Variants in RAB20 observed in about 807,000 individuals in gnomAD.
The protein encoded by RAB20 is ras-related protein Rab-20.
Under a neutral mutation model 3.7 loss-of-function variants are expected in RAB20, and 2 were observed. The observed-to-expected ratio is 0.54, with a 90% CI of 0.22 to 1.69. RAB20 has a LOEUF of 1.69. RAB20 is among the 40% of genes most tolerant of loss of function. The pLI, the probability that RAB20 is intolerant of heterozygous loss-of-function variation, is 0.19. For missense variants in RAB20, 276 were observed against 311.9 expected (o/e 0.88, Z 0.87); for synonymous variants, 126 against 130.8 (o/e 0.96, Z 0.25).
In RAB20 at chr13:110,524,151, C is replaced by T. The variant is rs778622604; in HGVS notation, c.219G>A (p.Ala73=). The change falls in exon 2 of 2, where the codon GCG becomes GCA. Residue 73 remains alanine (A), a synonymous_variant. Coordinates refer to ENST00000267328, the MANE Select transcript of RAB20 (RefSeq NM_017817.3). ...CATCATAGGTGAGGATGATGGCGGC[C>T]GCCCCCCGGCAGTACATGGAGCCCA... is the stretch of plus-strand genomic sequence containing the variant. The part of the protein sequence containing the change: ...HGLGSMYCRG[A]AAIILTYDVN... 9.3e-6 allele frequency: 15 copies of T among 1,606,226 alleles called. No individual in the cohort carries two copies. The highest frequency in any genetic ancestry group is 4.5e-5 in the East Asian group (2 of 44,850).
intron 1 of RAB20, among the ~76,000 whole-genome samples, chr13:110,526,013 G>A (rs765870447): frequency 2.6e-5 from 4 of 152,368 alleles, no homozygotes; most frequent in Admixed American, 6.5e-5. Context: ...CCGGGGGCAC[G>A]CTTTCGAAGA....
intron 1 of RAB20, among the ~76,000 whole-genome samples, chr13:110,551,479 G>A (rs1048597005): frequency 6.6e-6 from 1 of 152,132 alleles, no homozygotes; most frequent in African/African-American, 2.4e-5. Flanking sequence ...AGTGCTGGAG[G>A]GGCTCTGAGC....
intron 1 of RAB20, among the ~76,000 whole-genome samples, chr13:110,538,431 C>CT (rs1884688508): frequency 6.6e-6 from 1 of 150,970 alleles, no homozygotes; most frequent in Non-Finnish European, 1.5e-5. Flanking sequence ...CATGGTGAGA[C>CT]TTTGTCTCTC....
intron 1 of RAB20, among the ~76,000 whole-genome samples, chr13:110,545,272 T>C (rs916185000): frequency 1.3e-5 from 2 of 152,332 alleles, no homozygotes; most frequent in East Asian, 1.9e-4. Context: ...TTATTATGCA[T>C]TGCATGCCTA....
chr13:110,552,579 GC>G (rs957286818), intron 1 of RAB20, among the ~76,000 whole-genome samples: 3 of 151,038 alleles, frequency 2.0e-5, no homozygotes, highest in African/African-American at 7.3e-5. Flanking sequence ...TGTAGTCCCA[GC>G]TACTCAGGAG....
At chr13:110,547,764 G>A (rs1288868448) in intron 1 of RAB20, among the ~76,000 whole-genome samples, 1 of 152,200 alleles carries the variant, frequency 6.6e-6, no homozygotes, top group Non-Finnish European at 1.5e-5. Context: ...TAAGTGTTGT[G>A]GAAGCATCGG....
At chr13:110,541,675 C>T (rs1324084253) in intron 1 of RAB20, among the ~76,000 whole-genome samples, 1 of 152,210 alleles carries the variant, frequency 6.6e-6, no homozygotes, top group African/African-American at 2.4e-5. Flanking sequence ...CAGAGCCCTT[C>T]GCCTGCCTGG....
At chr13:110,528,413 C>CAAAAAAAAAA (rs11386477) in intron 1 of RAB20, among the ~76,000 whole-genome samples, 2 of 122,446 alleles carry the variant, frequency 1.6e-5, no homozygotes, top group Non-Finnish European at 1.7e-5. Context: ...AACTCCATCT[C>CAAAAAAAAAA]AAAAAAAAAA....
Position 110,555,082 on chromosome 13 carries a change from G to C in RAB20, c.172+6266C>G, listed in dbSNP as rs750972675. Among the ~76,000 whole-genome samples the C allele has an allele frequency of 5.3e-5, 8 of 152,272 alleles. No homozygotes were observed. The highest frequency in any genetic ancestry group is 2.1e-4 in the South Asian group (1 of 4,820). On this transcript the variant is annotated intron_variant, in intron 1 of 1. Coordinates refer to ENST00000267328, the MANE Select transcript of RAB20 (RefSeq NM_017817.3). This position sits in a 1 kb window ranked among gnomAD's most constrained non-coding sequence, Gnocchi z 4.0. ...GGACGGCAACGTTGACGCCTCCCAG[G>C]AGGAGCCTTGTGAAAAGGATGTAGC...
chr13:110,535,074 T>G (rs1331669557), intron 1 of RAB20, among the ~76,000 whole-genome samples: 1 of 152,114 alleles, frequency 6.6e-6, no homozygotes, highest in Non-Finnish European at 1.5e-5. Flanking sequence ...GCTCAAGTGA[T>G]CCCCCCGCTT....
intron 1 of RAB20, among the ~76,000 whole-genome samples, chr13:110,540,673 C>T (rs567332012): frequency 2.7e-4 from 41 of 150,400 alleles, no homozygotes; most frequent in African/African-American, 9.5e-4. Flanking sequence ...ACCCAGGAGG[C>T]GGAGGTTGCA....
intron 1 of RAB20, among the ~76,000 whole-genome samples, chr13:110,534,113 T>C (rs76432306): frequency 2.4e-3 from 359 of 152,304 alleles, no homozygotes; most frequent in African/African-American, 8.1e-3. Flanking sequence ...GGGATCAGCA[T>C]TTACATCAGT....
rs141229904 is a variant in RAB20 at position 110,523,718 on chromosome 13, C to T, written c.652G>A (p.Asp218Asn). Residue 218 changes from aspartate (D) to asparagine (N), a missense_variant, in exon 2 of 2, where the codon GAT becomes AAT. Coordinates refer to ENST00000267328, the MANE Select transcript of RAB20 (RefSeq NM_017817.3). The stretch of plus-strand genomic sequence containing the variant: ...TTGGGTGGCTTATGACTGGATATAT[C>T]CACTGTGTGTGACGGCCTCTCAGCT... ...QRAERPSHTVDISSHKPPKRT... is the reference protein window; with the variant it reads ...QRAERPSHTVNISSHKPPKRT... The T allele has an allele frequency of 4.3e-6, 7 of 1,614,086 alleles. No individual in the cohort carries two copies. In the African/African-American group the frequency reaches 9.3e-5, roughly 22 times the overall value.
Position 110,523,897 on chromosome 13 carries a change from T to C in RAB20, c.473A>G (p.Tyr158Cys), listed in dbSNP as rs1348622908. 1.2e-6 allele frequency: 2 copies of C among 1,614,196 alleles called. No homozygotes were observed. The highest frequency in any genetic ancestry group is 1.3e-5 in the African/African-American group (1 of 75,046). The change falls in exon 2 of 2, where the codon TAT becomes TGT. Residue 158 changes from tyrosine to cysteine, a missense_variant. Tyr to Cys is a radical substitution (Grantham distance 194). Coordinates refer to ENST00000267328, the MANE Select transcript of RAB20 (RefSeq NM_017817.3). ...CATCTTGTACTTGAGGATCTTTTTA[T>C]AAAGGGCCACCGCATCCTCCAGCTG... The part of the protein sequence containing the change: ...QVQLEDAVAL[Y>C]KKILKYKMLD...
At chr13:110,554,612 G>T (rs771502192) in intron 1 of RAB20, among the ~76,000 whole-genome samples, 13 of 152,166 alleles carry the variant, frequency 8.5e-5, no homozygotes, top group Non-Finnish European at 1.8e-4. Flanking sequence ...CCTCCTCCAG[G>T]CCCAAGATTT....
At chr13:110,544,430 T>C (rs962544317) in intron 1 of RAB20, among the ~76,000 whole-genome samples, 6 of 152,178 alleles carry the variant, frequency 3.9e-5, no homozygotes, top group Non-Finnish European at 1.5e-5. Context: ...TTTCTATTTC[T>C]GTAAAAAATG....
chr13:110,546,799 G>A (rs112843744), intron 1 of RAB20, among the ~76,000 whole-genome samples: 3,310 of 151,334 alleles, frequency 0.022, 113 homozygotes, highest in African/African-American at 0.076. Flanking sequence ...GTGCAGTGGT[G>A]CAGTCACAGC....
At chr13:110,532,359 C>T (rs913466258) in intron 1 of RAB20, among the ~76,000 whole-genome samples, 5 of 152,188 alleles carry the variant, frequency 3.3e-5, no homozygotes, top group African/African-American at 4.8e-5. Flanking sequence ...ACTGAGACAA[C>T]AGGAACTTTC....
intron 1 of RAB20, among the ~76,000 whole-genome samples, chr13:110,553,047 C>T (rs1398120907): frequency 6.6e-6 from 1 of 152,204 alleles, no homozygotes; most frequent in Non-Finnish European, 1.5e-5. Context: ...TTCTCTTTCC[C>T]CCATCTTAAT....
Sources: gnomAD v4.1 joint callset for allele counts (sites outside exome capture counted in the v4.1 genomes callset) on GRCh38, gnomAD v4.1.1 for gene constraint, Gnocchi (gnomAD v3.1) non-coding constraint, MANE v1.5 for transcripts, NCBI Gene and HGNC (gene_info 2026-07-23, HGNC 2026-07-21) for gene names.